The following TOM1L1 variants were observed in gnomAD, a reference collection of about 807,000 sequenced individuals.
TOM1L1 encodes the protein TOM1-like protein 1.
Under a neutral mutation model 63.4 loss-of-function variants are expected in TOM1L1, and 64 were observed. The observed-to-expected ratio is 1.01, with a 90% CI of 0.83 to 1.24. The LOEUF (loss-of-function observed/expected upper bound fraction) is 1.24. Ranked by LOEUF, TOM1L1 falls within the 50% of genes most tolerant of loss-of-function variation. The pLI, the probability that TOM1L1 is intolerant of heterozygous loss-of-function variation, is 0.00. For synonymous variants in TOM1L1, 166 were observed against 194.4 expected (o/e 0.85, Z 1.22); for missense variants, 536 against 567.0 (o/e 0.95, Z 0.55).
intron 1 of TOM1L1, 53 bp downstream of exon 1, chr17:54,900,976 T>C (rs1177498635): frequency 1.9e-6 from 3 of 1,610,516 alleles, no homozygotes; most frequent in East Asian, 2.2e-5. Flanking sequence ...GTGGGATCCT[T>C]TCCTGCTTGA....
At chr17:54,945,111 T>G (rs2049095863) in intron 11 of TOM1L1, among the ~76,000 whole-genome samples, 1 of 152,190 alleles carries the variant, frequency 6.6e-6, no homozygotes, top group Admixed American at 6.5e-5. Context: ...CTTGGATTTC[T>G]TAGCTTTTGG....
chr17:54,909,288 T>G (rs1234166935), intron 3 of TOM1L1, among the ~76,000 whole-genome samples: 1 of 152,062 alleles, frequency 6.6e-6, no homozygotes, highest in Non-Finnish European at 1.5e-5. Flanking sequence ...CAAAACCATG[T>G]GGTTGTCCCC....
intron 12 of TOM1L1, among the ~76,000 whole-genome samples, chr17:54,947,900 T>G (rs2049146081): frequency 6.6e-6 from 1 of 152,150 alleles, no homozygotes; most frequent in South Asian, 2.1e-4. Flanking sequence ...CCCAGACCCC[T>G]TCTCTAAACT....
At chr17:54,931,233 C>A (rs1302563068) in intron 8 of TOM1L1, among the ~76,000 whole-genome samples, 1 of 152,056 alleles carries the variant, frequency 6.6e-6, no homozygotes, top group Non-Finnish European at 1.5e-5. Flanking sequence ...GGATAAGTTG[C>A]ATAACTTTTC....
chr17:54,949,651 A>C (rs2143959164), intron 13 of TOM1L1, 28 bp downstream of exon 13: 5 of 1,547,614 alleles, frequency 3.2e-6, no homozygotes, highest in Non-Finnish European at 3.6e-6. Flanking sequence ...ATTCGCATCA[A>C]ATAAGGAAAC....
chr17:54,952,693 C>A (rs1010423822), intron 14 of TOM1L1: 4 of 152,156 alleles, frequency 2.6e-5, no homozygotes, highest in African/African-American at 9.7e-5. Context: ...TGCACACTCT[C>A]CTCCTCCCTG....
chr17:54,960,722 C>A, intron 15 of TOM1L1, 95 bp downstream of exon 15: 1 of 893,580 alleles, frequency 1.1e-6, no homozygotes, highest in Non-Finnish European at 1.8e-6. Flanking sequence ...TTTCTAAGGG[C>A]CATCTGAGTC....
chr17:54,908,867 A>G (rs1221111319), intron 3 of TOM1L1, among the ~76,000 whole-genome samples: 1 of 152,206 alleles, frequency 6.6e-6, no homozygotes, highest in African/African-American at 2.4e-5. Context: ...CCCCCTAAGC[A>G]GTGAGCTTCA....
intron 12 of TOM1L1, among the ~76,000 whole-genome samples, chr17:54,947,865 A>G (rs1182699663): frequency 6.6e-6 from 1 of 152,110 alleles, no homozygotes; most frequent in Non-Finnish European, 1.5e-5. Context: ...ATTTTTGACA[A>G]CCTACAAGTT....
intron 7 of TOM1L1, among the ~76,000 whole-genome samples, chr17:54,918,693 A>G (rs1451621604): frequency 6.6e-6 from 1 of 152,216 alleles, no homozygotes; most frequent in Non-Finnish European, 1.5e-5. Context: ...AAACAACTTA[A>G]GAGAGTATTT....
At chr17:54,948,468 C>G (rs771275222) in intron 12 of TOM1L1, among the ~76,000 whole-genome samples, 10 of 152,162 alleles carry the variant, frequency 6.6e-5, no homozygotes, top group Non-Finnish European at 1.5e-4. Flanking sequence ...TGGCCTCCCC[C>G]ACTTCAGAGA....
Position 54,960,577 on chromosome 17 carries a change from A to T in TOM1L1, c.1382A>T (p.Glu461Val), listed in dbSNP as rs1473520827. ...APAVTTEAIYEEIDAHQHKGA... is the reference protein window; with the variant it reads ...APAVTTEAIYVEIDAHQHKGA... ...TGGCTTTGTTTCAGAGCTATTTATG[A>T]AGAAATTGATGCTCACCAGCACAAA... The change falls in exon 15 of 16, where the codon GAA becomes GTA. Residue 461 changes from glutamate (E) to valine (V), a missense_variant. Coordinates refer to ENST00000575882, the MANE Select transcript of TOM1L1 (RefSeq NM_005486.3). The T allele has an allele frequency of 1.2e-6, 2 of 1,613,074 alleles. No individual in the cohort carries two copies. The highest frequency in any genetic ancestry group is 1.7e-6 in the Non-Finnish European group (2 of 1,179,678).
Position 54,960,309 on chromosome 17 carries a change from G to A in TOM1L1, c.1371-257G>A, listed in dbSNP as rs575328294. On this transcript the variant is annotated intron_variant, in intron 14 of 15. Transcript: ENST00000575882. Reference sequence around the variant, plus strand: ...GAACCTGGGAGGCAGAGGTTGCAGTGAGCCAAGAAAGCACCATTGCACTCC... The same window carrying A: ...GAACCTGGGAGGCAGAGGTTGCAGTAAGCCAAGAAAGCACCATTGCACTCC... Among the ~76,000 whole-genome samples the A allele has an allele frequency of 1.8e-3, 271 of 152,192 alleles. 1 individual carries two copies. The highest frequency in any genetic ancestry group is 3.5e-3 in the Non-Finnish European group (236 of 68,008).
At chr17:54,927,796 A>G (rs1213330904) in intron 7 of TOM1L1, among the ~76,000 whole-genome samples, 1 of 152,086 alleles carries the variant, frequency 6.6e-6, no homozygotes, top group Admixed American at 6.6e-5. Context: ...ACAGACATCA[A>G]TTGCAAAGAT....
chr17:54,920,316 A>G (rs777155447), intron 7 of TOM1L1, among the ~76,000 whole-genome samples: 1 of 152,226 alleles, frequency 6.6e-6, no homozygotes, highest in Non-Finnish European at 1.5e-5. Context: ...GAAATCAGCT[A>G]TATGAATTGT....
At position 54,915,812 on chromosome 17, in the gene TOM1L1, A is replaced by C. The variant is rs369648190; in HGVS notation, c.670A>C (p.Met224Leu). 1.9e-6 allele frequency: 3 copies of C among 1,613,904 alleles called. No individual in the cohort carries two copies. The highest frequency in any genetic ancestry group is 2.5e-6 in the Non-Finnish European group (3 of 1,179,896). ...MNVRVMSAIL[M>L]ENTPGSENHE... ...TGTGCGAGTGATGTCCGCCATATTG[A>C]TGGAGAATACTCCTGGGTCTGAAAA... Residue 224 changes from methionine to leucine, a missense_variant, in exon 7 of 16, where the codon ATG becomes CTG. By Grantham distance (15) the Met-to-Leu change is conservative (BLOSUM62 2). Coordinates refer to ENST00000575882, the MANE Select transcript of TOM1L1 (RefSeq NM_005486.3).
chr17:54,959,259 A>G (rs2077045357), intron 14 of TOM1L1: 1 of 152,316 alleles, frequency 6.6e-6, no homozygotes, highest in African/African-American at 2.4e-5. Context: ...TATACTGTAT[A>G]TATGAATGTT....
At chr17:54,904,671 C>T (rs939872319) in intron 2 of TOM1L1, among the ~76,000 whole-genome samples, 23 of 152,032 alleles carry the variant, frequency 1.5e-4, no homozygotes, top group African/African-American at 5.3e-4. Flanking sequence ...TTTCGAGAAT[C>T]GAAGTTATAA....
intron 14 of TOM1L1, chr17:54,954,964 T>A (rs1179969991): frequency 6.6e-6 from 1 of 152,192 alleles, no homozygotes; most frequent in African/African-American, 2.4e-5. Flanking sequence ...CAGGCTGTAT[T>A]ACAGTAATAT....
Sources: gnomAD v4.1 joint callset for allele counts (sites outside exome capture counted in the v4.1 genomes callset) on GRCh38, gnomAD v4.1.1 for gene constraint, MANE v1.5 for transcripts, NCBI Gene and HGNC (gene_info 2026-07-23, HGNC 2026-07-21) for gene names.